ARSA: variants seen among roughly 807,000 people sequenced by gnomAD.
ARSA encodes arylsulfatase A, also known as cerebroside-sulfatase.
In ARSA, 32 loss-of-function variants were observed where a neutral mutation model predicts 37.8. That is an observed-to-expected ratio of 0.85 (90% CI 0.64 to 1.14). The LOEUF is 1.14. Ranked by LOEUF, ARSA falls within the 50% of genes most tolerant of loss-of-function variation. The pLI, the probability that ARSA is intolerant of heterozygous loss-of-function variation, is 0.00. For synonymous variants in ARSA, 303 were observed against 303.4 expected, an observed-to-expected ratio of 1.00 and a Z score of 0.01; for missense variants, 685 against 686.3, an observed-to-expected ratio of 1.00 and a Z score of 0.02.
chr22:50,626,808 CA>C, intron 3 of ARSA, 25 bp downstream of exon 3: 1 of 1,611,326 alleles, frequency 6.2e-7, no homozygotes, highest in African/African-American at 1.3e-5. Context: ...CACGGGCAGC[CA>C]GGGGGTTGGG....
In ARSA at chr22:50,627,810, G is replaced by A. The variant is rs2146729444; in HGVS notation, c.-31C>T. 1.3e-6 allele frequency: 2 copies of A among 1,525,178 alleles called. No homozygotes were observed. The highest frequency in any genetic ancestry group is 1.4e-5 in the African/African-American group (1 of 72,780). 94.5% of individuals were successfully genotyped at this position (1,525,178 alleles called of 1,614,324 possible). ...CGAGGGGTCTGTCCCAAGAGAGGGAGGGCTACTTGGCTCCAGCAGGCTCTT... is the reference window on the plus strand; with the variant it reads ...CGAGGGGTCTGTCCCAAGAGAGGGAAGGCTACTTGGCTCCAGCAGGCTCTT... On this transcript the variant is annotated 5_prime_UTR_variant, in exon 1 of 8. Coordinates refer to ENST00000216124, the MANE Select transcript of ARSA (RefSeq NM_000487.6).
At chr22:50,626,534 C>T (rs1313858224) in intron 4 of ARSA, 57 bp downstream of exon 4, 3 of 1,603,028 alleles carry the variant, frequency 1.9e-6, no homozygotes, top group Non-Finnish European at 2.5e-6. Flanking sequence ...AACTGCAAGG[C>T]CTCCAGGGCC....
At chr22:50,625,724 G>A in intron 6 of ARSA, 43 bp from the exon 7 acceptor site, 2 of 1,590,570 alleles carry the variant, frequency 1.3e-6, no homozygotes, top group Non-Finnish European at 8.6e-7. Flanking sequence ...CAGGCCCCAA[G>A]CACTGCACAT....
intron 4 of ARSA, 33 bp downstream of exon 4, chr22:50,626,558 G>A (rs376359926): frequency 7.4e-5 from 119 of 1,608,970 alleles, no homozygotes; most frequent in Middle Eastern, 5.0e-4. Flanking sequence ...GCCCGTGACA[G>A]GGCCGGAGCA....
chr22:50,628,123 C>T lies in ARSA; in HGVS notation c.-344G>A, dbSNP rs1272920134. On this transcript the variant is annotated 5_prime_UTR_variant, in exon 1 of 8. Coordinates refer to ENST00000216124, the MANE Select transcript of ARSA (RefSeq NM_000487.6). The stretch of plus-strand genomic sequence containing the variant: ...GGCGCTAGAGGGAGCCCAGGAGGAG[C>T]CGGTACCGGGCTGCGGGCGCTTCCG... 3.8e-5 allele frequency: 9 copies of T among 236,124 alleles called. No individual in the cohort carries two copies. Among genetic ancestry groups the T allele is most frequent in the Non-Finnish European group, 6.8e-5 (8 of 117,060 alleles). The allele number at this position is 236,124 out of a possible 1,614,324, so 14.6% of individuals were successfully genotyped here. A position where few individuals can be genotyped will look rare whatever the true frequency, so the allele number is the denominator to read the frequency against.
chr22:50,628,091 G>A lies in ARSA; in HGVS notation c.-312C>T, dbSNP rs926702905. 3 of 379,780 alleles carry A rather than the reference G, an allele frequency of 7.9e-6. No homozygotes were observed. Among genetic ancestry groups the A allele is most frequent in the East Asian group, 5.3e-5 (1 of 18,798 alleles). The allele number at this position is 379,780 out of a possible 1,614,324, so 23.5% of individuals were successfully genotyped here. ...GGCGCTGACCAGCGGAGTCGGGCCG[G>A]GGGGAAGGCGCTAGAGGGAGCCCAG... is the stretch of plus-strand genomic sequence containing the variant. On this transcript the variant is annotated 5_prime_UTR_variant, in exon 1 of 8. Coordinates refer to ENST00000216124, the MANE Select transcript of ARSA (RefSeq NM_000487.6).
At position 50,626,163 on chromosome 22, in the gene ARSA, T is replaced by C. The variant is rs557527090; in HGVS notation, c.970A>G (p.Ile324Val). 1.3e-5 allele frequency: 21 copies of C among 1,604,682 alleles called. No homozygotes were observed. Among genetic ancestry groups the C allele is most frequent in the East Asian group, 9.0e-5 (4 of 44,462 alleles). Residue 324 changes from isoleucine to valine, a missense_variant, in exon 5 of 8, where the codon ATC becomes GTC. Transcript: ENST00000216124. ...EPALAFWPGHIAPGVTHELAS... is the reference protein window; with the variant it reads ...EPALAFWPGHVAPGVTHELAS... ...GGGCCTGCGGACTGACCGGGAGCGA[T>C]ATGACCTGGCCAGAAGGCCAAGGCA...
rs996577846 is a variant in ARSA at position 50,627,937 on chromosome 22, C to A, written c.-158G>T. 3 of 708,866 alleles carry A rather than the reference C, an allele frequency of 4.2e-6. No homozygotes were observed. The African/African-American group carries it at 5.4e-5, about 13-fold the overall frequency. 43.9% of individuals were successfully genotyped at this position (708,866 alleles called of 1,614,324 possible). A position where few individuals can be genotyped will look rare whatever the true frequency, so the allele number is the denominator to read the frequency against. On this transcript the variant is annotated 5_prime_UTR_variant, in exon 1 of 8. Coordinates refer to ENST00000216124, the MANE Select transcript of ARSA (RefSeq NM_000487.6). ...CCTGAAGCTCCAGAGGGCCGGGGCC[C>A]GACAGTACCGGGAGACCGCGGGCTG... is the stretch of plus-strand genomic sequence containing the variant.
intron 4 of ARSA, 119 bp from the exon 5 acceptor site, chr22:50,626,397 G>C: frequency 6.6e-7 from 1 of 1,522,374 alleles, no homozygotes; most frequent in Non-Finnish European, 8.8e-7. Flanking sequence ...GCATGAGCCC[G>C]GCACCTCCCA....
rs150533665 is a variant in ARSA, at chr22:50,626,895, T to C, written c.623A>G (p.His208Arg). The C allele has an allele frequency of 1.9e-6, 3 of 1,613,186 alleles. No individual in the cohort carries two copies. In the African/African-American group the frequency reaches 4.0e-5, roughly 22 times the overall value. The part of the protein sequence containing the change: ...GLEARYMAFA[H>R]DLMADAQRQD... Reference sequence around the variant, plus strand: ...GCGCTGGGCGTCGGCCATGAGGTCATGGGCGAAAGCCATGTAGCGGGCCTC... The same window carrying C: ...GCGCTGGGCGTCGGCCATGAGGTCACGGGCGAAAGCCATGTAGCGGGCCTC... Residue 208 changes from histidine (H) to arginine (R), a missense_variant, in exon 3 of 8, where the codon CAT becomes CGT. Coordinates refer to ENST00000216124, the MANE Select transcript of ARSA (RefSeq NM_000487.6).
chr22:50,627,995 A>C lies in ARSA; in HGVS notation c.-216T>G. On this transcript the variant is annotated 5_prime_UTR_variant, in exon 1 of 8. Coordinates refer to ENST00000216124, the MANE Select transcript of ARSA (RefSeq NM_000487.6). ...ACTCCTCCAGGACCAGGGCACCTTC[A>C]GATTCTCGAGCGGAGATCTGATCCT... 1 of 578,628 alleles carries C rather than the reference A, an allele frequency of 1.7e-6. No homozygotes were observed. Among genetic ancestry groups the C allele is most frequent in the East Asian group, 2.9e-5 (1 of 34,888 alleles). 35.8% of individuals were successfully genotyped at this position (578,628 alleles called of 1,614,324 possible).
rs574416131 is a variant in ARSA at position 50,626,960 on chromosome 22, G to A, written c.558C>T (p.Asn186=). 226 of 1,613,066 alleles carry A rather than the reference G, an allele frequency of 1.4e-4. 2 individuals carry two copies. The South Asian group carries it at 2.3e-3, about 17-fold the overall frequency. Reference sequence around the variant, plus strand: ...AGGGGGGCTGCGCCTCCACGGACAGGTTGGCCAACAGTGGGATGGGGACCA... The same window carrying A: ...AGGGGGGCTGCGCCTCCACGGACAGATTGGCCAACAGTGGGATGGGGACCA... The part of the protein sequence containing the change: ...QGLVPIPLLA[N]LSVEAQPPWL... The change falls in exon 3 of 8, where the codon AAC becomes AAT. Residue 186 remains asparagine (N), a synonymous_variant. Coordinates refer to ENST00000216124, the MANE Select transcript of ARSA (RefSeq NM_000487.6).
chr22:50,627,966 C>G lies in ARSA; in HGVS notation c.-187G>C. On this transcript the variant is annotated 5_prime_UTR_variant, in exon 1 of 8. Coordinates refer to ENST00000216124, the MANE Select transcript of ARSA (RefSeq NM_000487.6). ...AGTACCGGGAGACCGCGGGCTGGGA[C>G]GGAACTCCTCCAGGACCAGGGCACC... 1 of 609,212 alleles carries G rather than the reference C, an allele frequency of 1.6e-6. No individual in the cohort carries two copies. Among genetic ancestry groups the G allele is most frequent in the South Asian group, 2.0e-5 (1 of 50,222 alleles). The allele number at this position is 609,212 out of a possible 1,614,324, so 37.7% of individuals were successfully genotyped here.
chr22:50,625,035 C>A lies in ARSA; in HGVS notation c.*110G>T, dbSNP rs914050036. 9.6e-6 allele frequency: 12 copies of A among 1,256,510 alleles called. No homozygotes were observed. The highest frequency in any genetic ancestry group is 1.3e-5 in the Non-Finnish European group (12 of 937,906). The allele number at this position is 1,256,510 out of a possible 1,614,324, so 77.8% of individuals were successfully genotyped here. On this transcript the variant is annotated 3_prime_UTR_variant, in exon 8 of 8. Coordinates refer to ENST00000216124, the MANE Select transcript of ARSA (RefSeq NM_000487.6). ...TGGACGAATTGTCACATCTGCAAGT[C>A]TCCACTGGTGTTATTACGTTATCAG...
chr22:50,624,232 T>A lies in ARSA; in HGVS notation c.*913A>T, dbSNP rs1429353437. On this transcript the variant is annotated 3_prime_UTR_variant, in exon 8 of 8. Transcript: ENST00000216124. Reference sequence around the variant, plus strand: ...GATTACAGGGATGCACCACTACACCTGGCTAATTTTGTATTTTTAGTAGAG... The same window carrying A: ...GATTACAGGGATGCACCACTACACCAGGCTAATTTTGTATTTTTAGTAGAG... 6.6e-6 allele frequency among the ~76,000 whole-genome samples: 1 copy of A among 152,036 alleles called. No individual in the cohort carries two copies. The highest frequency in any genetic ancestry group is 1.5e-5 in the Non-Finnish European group (1 of 68,006).
At position 50,625,029 on chromosome 22, in the gene ARSA, G is replaced by T; in HGVS notation, c.*116C>A. 2 of 1,223,554 alleles carry T rather than the reference G, an allele frequency of 1.6e-6. No homozygotes were observed. The highest frequency in any genetic ancestry group is 2.2e-6 in the Non-Finnish European group (2 of 907,936). 75.8% of individuals were successfully genotyped at this position (1,223,554 alleles called of 1,614,324 possible). A position where few individuals can be genotyped will look rare whatever the true frequency, so the allele number is the denominator to read the frequency against. Reference sequence around the variant, plus strand: ...CAGGATTGGACGAATTGTCACATCTGCAAGTCTCCACTGGTGTTATTACGT... The same window carrying T: ...CAGGATTGGACGAATTGTCACATCTTCAAGTCTCCACTGGTGTTATTACGT... On this transcript the variant is annotated 3_prime_UTR_variant, in exon 8 of 8. Coordinates refer to ENST00000216124, the MANE Select transcript of ARSA (RefSeq NM_000487.6).
At position 50,623,504 on chromosome 22, in the gene ARSA, A is replaced by G. The variant is rs961484427; in HGVS notation, c.*1641T>C. On this transcript the variant is annotated 3_prime_UTR_variant, in exon 8 of 8. Transcript: ENST00000216124. ...CCCGAGGCTGGAGTGCAGTGGTACA[A>G]TTATAGCTCACTACAGCCTCGACCT... Among the ~76,000 whole-genome samples the G allele has an allele frequency of 1.4e-4, 22 of 152,134 alleles. No homozygotes were observed. Among genetic ancestry groups the G allele is most frequent in the African/African-American group, 4.8e-4 (20 of 41,410 alleles).
In ARSA at chr22:50,626,778, A is replaced by C. The variant is rs777908815; in HGVS notation, c.685-18T>G. The C allele has an allele frequency of 2.5e-6, 4 of 1,612,288 alleles. No individual in the cohort carries two copies. Among genetic ancestry groups the C allele is most frequent in the Middle Eastern group, 3.3e-4 (2 of 6,056 alleles). On this transcript the variant is annotated intron_variant, in intron 3 of 7. Transcript: ENST00000216124. ...TGGGTGTGCTGGGGGCAAAGACTGGAGTTAGCACTGGGTAGGGGTCACGGG... is the reference window on the plus strand; with the variant it reads ...TGGGTGTGCTGGGGGCAAAGACTGGCGTTAGCACTGGGTAGGGGTCACGGG...
rs905384900 is a variant in ARSA, at chr22:50,623,047, T to C, written c.*2098A>G. 1 of 152,086 alleles carries C rather than the reference T, an allele frequency of 6.6e-6. No homozygotes were observed. The allele number at this position is 152,086 out of a possible 1,614,324, so 9.4% of individuals were successfully genotyped here. Reference sequence around the variant, plus strand: ...CCAGCACTGAAAAATGGGAGCCCATTAGGAAGGAGGTGGCTGTTTGGTAGC... The same window carrying C: ...CCAGCACTGAAAAATGGGAGCCCATCAGGAAGGAGGTGGCTGTTTGGTAGC... On this transcript the variant is annotated 3_prime_UTR_variant, in exon 8 of 8. Transcript: ENST00000216124.
Sources: allele counts gnomAD v4.1 joint callset (sites outside exome capture counted in the v4.1 genomes callset), GRCh38; gene constraint gnomAD v4.1.1; transcripts MANE v1.5; gene names NCBI Gene and HGNC (gene_info 2026-07-23, HGNC 2026-07-21).